MIB1: variants seen among roughly 807,000 people sequenced by gnomAD.
The protein encoded by MIB1 is E3 ubiquitin-protein ligase MIB1.
A neutral mutation model predicts 124.5 loss-of-function variants in MIB1; 278 were observed. The ratio of observed to expected loss-of-function variants is 2.23; its 90% CI spans 2.02 to 2.47. MIB1 has a LOEUF of 2.47. Ranked by LOEUF, MIB1 falls within the 30% of genes most tolerant of loss-of-function variation. The probability of loss-of-function intolerance (pLI) is 0.00; values close to 1 mark genes in which losing one functional copy is unlikely to be tolerated. For synonymous variants in MIB1, 446 were observed against 429.4 expected (o/e 1.04, Z -0.48); for missense variants, 957 against 1,254.4 (o/e 0.76, Z 3.58).
At position 21,844,151 on chromosome 18, in the gene MIB1, G is replaced by A; in HGVS notation, c.2109G>A (p.Leu703=). 6.2e-7 allele frequency: 1 copy of A among 1,614,088 alleles called. No individual in the cohort carries two copies. Among genetic ancestry groups the A allele is most frequent in the Non-Finnish European group, 8.5e-7 (1 of 1,179,996 alleles). ...AGGATAAGGATGGGGATACTCCTTT[G>A]CATGAAGCTCTAAGGCATCACACTT... ...DIQDKDGDTP[L]HEALRHHTLS... Residue 703 remains leucine, a synonymous_variant, in exon 15 of 21, where the codon TTG becomes TTA. Coordinates refer to ENST00000261537, the MANE Select transcript of MIB1 (RefSeq NM_020774.4).
intron 20 of MIB1, among the ~76,000 whole-genome samples, chr18:21,863,957 G>C (rs1381765693): frequency 1.3e-5 from 2 of 152,068 alleles, no homozygotes; most frequent in Non-Finnish European, 2.9e-5. Flanking sequence ...AGTGAGCCGA[G>C]ATTGCGCCAC....
At chr18:21,747,708 A>G (rs1169924861) in intron 1 of MIB1, among the ~76,000 whole-genome samples, 1 of 152,166 alleles carries the variant, frequency 6.6e-6, no homozygotes, top group Non-Finnish European at 1.5e-5. Flanking sequence ...CTTAATGTGT[A>G]TTTTCGATCC....
chr18:21,804,072 T>C, intron 10 of MIB1, 58 bp downstream of exon 10: 1 of 1,208,274 alleles, frequency 8.3e-7, no homozygotes, highest in Non-Finnish European at 1.2e-6. Flanking sequence ...ATAATACTTC[T>C]ATATCATGAG....
At chr18:21,805,900 C>CTTTTTT (rs35904303) in intron 10 of MIB1, among the ~76,000 whole-genome samples, 17 of 105,112 alleles carry the variant, frequency 1.6e-4, no homozygotes, top group African/African-American at 3.1e-4. Flanking sequence ...TCTTTCTTTC[C>CTTTTTT]TTTTTTTTTT....
In MIB1 at chr18:21,838,360, T is replaced by G; in HGVS notation, c.1830-5T>G. On this transcript the variant is annotated splice_polypyrimidine_tract_variant and splice_region_variant and intron_variant, in intron 12 of 20. Coordinates refer to ENST00000261537, the MANE Select transcript of MIB1 (RefSeq NM_020774.4). ...ATATAGAAATAATGTGAATTTAACTTTCAGTGCAATGCGTGTTTTACTATC... is the reference window on the plus strand; with the variant it reads ...ATATAGAAATAATGTGAATTTAACTGTCAGTGCAATGCGTGTTTTACTATC... The G allele has an allele frequency of 1.9e-6, 3 of 1,569,786 alleles. No homozygotes were observed. Among genetic ancestry groups the G allele is most frequent in the Non-Finnish European group, 2.6e-6 (3 of 1,158,010 alleles).
At chr18:21,843,606 A>G (rs1484372756) in intron 14 of MIB1, among the ~76,000 whole-genome samples, 1 of 152,210 alleles carries the variant, frequency 6.6e-6, no homozygotes, top group Non-Finnish European at 1.5e-5. Flanking sequence ...GTTATTTGAA[A>G]TTCCTCTTGA....
rs906802433 is a variant in MIB1 at position 21,746,507 on chromosome 18, T to C, written c.229+4695T>C. Among the ~76,000 whole-genome samples the C allele has an allele frequency of 3.9e-5, 6 of 152,178 alleles. No individual in the cohort carries two copies. In the East Asian group the frequency reaches 1.2e-3, roughly 29 times the overall value. The stretch of plus-strand genomic sequence containing the variant: ...AAGAAGATTTTGGGACTATATGGGA[T>C]GTTATTTAATTAGTTTGGACTAATT... On this transcript the variant is annotated intron_variant, in intron 1 of 20. Transcript: ENST00000261537.
At chr18:21,755,280 A>G (rs1035173993) in intron 1 of MIB1, among the ~76,000 whole-genome samples, 1 of 151,286 alleles carries the variant, frequency 6.6e-6, no homozygotes, top group Non-Finnish European at 1.5e-5. Context: ...TACCTAAGTT[A>G]TCTTTAAACT....
chr18:21,860,264 C>T (rs993665390), intron 20 of MIB1, among the ~76,000 whole-genome samples: 39 of 151,334 alleles, frequency 2.6e-4, no homozygotes, highest in African/African-American at 4.9e-4. Context: ...CCACCCTCAG[C>T]GAATTTTTAT....
rs1555696617 is a variant in MIB1 at position 21,853,188 on chromosome 18, C to T, written c.2635C>T (p.Gln879Ter). ...TGACAAGAAAGCAGCTGTTCTTTTT[C>T]AACCCTGTGGCCACATGTGTGCTTG... ...CSDKKAAVLFQPCGHMCACEN... is the reference protein window; with the variant it reads ...CSDKKAAVLF Residue 879 changes from glutamine to a stop codon, truncating the protein, a stop_gained, in exon 18 of 21, where the codon CAA becomes TAA. Transcript: ENST00000261537. LOFTEE classifies it high-confidence loss of function. 6.2e-7 allele frequency: 1 copy of T among 1,613,230 alleles called. No homozygotes were observed.
chr18:21,732,300 C>G (rs774355489), intron 1 of MIB1, among the ~76,000 whole-genome samples: 1 of 150,474 alleles, frequency 6.6e-6, no homozygotes, highest in African/African-American at 2.4e-5. Context: ...TGCACTCTAG[C>G]CTGGGCAACA....
intron 1 of MIB1, among the ~76,000 whole-genome samples, chr18:21,760,716 A>T (rs1167288401): frequency 6.6e-6 from 1 of 152,220 alleles, no homozygotes; most frequent in South Asian, 2.1e-4. Context: ...GAACTTAGAA[A>T]TGAAAAATAT....
chr18:21,783,146 G>C (rs754796410), intron 6 of MIB1, among the ~76,000 whole-genome samples: 1 of 151,472 alleles, frequency 6.6e-6, no homozygotes, highest in Non-Finnish European at 1.5e-5. Context: ...TTCACTTTCA[G>C]TCTGCATGTG....
In MIB1 at chr18:21,782,074, C is replaced by T. The variant is rs190121966; in HGVS notation, c.908+2389C>T. Among the ~76,000 whole-genome samples, 441 of 152,048 alleles carry T rather than the reference C, an allele frequency of 2.9e-3. 2 individuals are homozygous for T. The highest frequency in any genetic ancestry group is 4.7e-3 in the Admixed American group (72 of 15,258). On this transcript the variant is annotated intron_variant, in intron 6 of 20. Coordinates refer to ENST00000261537, the MANE Select transcript of MIB1 (RefSeq NM_020774.4). ...TTGCTTTGTTTTTGCTTTTCTAGTT[C>T]CTTGAGCTGTATTGTTAGGTTATTT...
intron 8 of MIB1, among the ~76,000 whole-genome samples, chr18:21,799,104 A>C (rs1225033637): frequency 1.3e-5 from 2 of 152,050 alleles, no homozygotes; most frequent in Non-Finnish European, 2.9e-5. Flanking sequence ...GCCTACTCTC[A>C]AATTATGTGG....
At chr18:21,705,756 G>A (rs2040620134) in intron 1 of MIB1, among the ~76,000 whole-genome samples, 1 of 152,218 alleles carries the variant, frequency 6.6e-6, no homozygotes. Flanking sequence ...TTTGGTCATT[G>A]CAACTTGGTG....
chr18:21,748,358 TCCCTCCCTCCCTCTCTCCC>T (rs1433393470), intron 1 of MIB1, among the ~76,000 whole-genome samples: 2 of 90,242 alleles, frequency 2.2e-5, no homozygotes, highest in African/African-American at 4.4e-5. Flanking sequence ...CCTCTCTCCC[TCCCTCCCTCCCTCTCTCCC>T]CCCTCCCTCT....
chr18:21,756,357 C>T (rs1437454292), intron 1 of MIB1, among the ~76,000 whole-genome samples: 2 of 152,180 alleles, frequency 1.3e-5, no homozygotes, highest in East Asian at 3.8e-4. Flanking sequence ...TCATTCATCA[C>T]CTGTAAAATG....
chr18:21,815,029 A>G (rs1319020674), intron 10 of MIB1, among the ~76,000 whole-genome samples: 2 of 109,888 alleles, frequency 1.8e-5, no homozygotes, highest in East Asian at 4.8e-4. Flanking sequence ...ATATATATAT[A>G]TATATATATA....
Sources: gnomAD v4.1 joint callset for allele counts (sites outside exome capture counted in the v4.1 genomes callset) on GRCh38, gnomAD v4.1.1 for gene constraint, MANE v1.5 for transcripts, NCBI Gene and HGNC (gene_info 2026-07-23, HGNC 2026-07-21) for gene names.